DLGAP4: variants seen among roughly 807,000 people sequenced by gnomAD.
The protein encoded by DLGAP4 is DLG associated protein 4.
DLGAP4 carries 18 observed loss-of-function variants against 86.9 expected under a neutral mutation model. The observed-to-expected ratio is 0.21, with a 90% CI of 0.14 to 0.31. The LOEUF is 0.31. Among genes scored for constraint, DLGAP4 ranks in the 10% least tolerant of loss-of-function variants. The pLI, the probability that DLGAP4 is intolerant of heterozygous loss-of-function variation, is 1.00. For missense variants in DLGAP4, 1,085 were observed against 1,362.6 expected (o/e 0.80, Z 3.21); for synonymous variants, 548 against 574.3 (o/e 0.95, Z 0.65).
chr20:36,431,515 T>C lies in DLGAP4; in HGVS notation c.-72-131T>C. ...ACGTGGGCCTCGGTGTGTACTCCTG[T>C]CCTCAGGCCCACAACATTGAGGACT... On this transcript the variant is annotated intron_variant, in intron 2 of 12. Coordinates refer to ENST00000339266, the MANE Select transcript of DLGAP4 (RefSeq NM_001365621.2). The surrounding 1 kb of genome is among the most constrained non-coding windows in gnomAD (Gnocchi z 5.1). 3 of 600,058 alleles carry C rather than the reference T, an allele frequency of 5.0e-6. No individual in the cohort carries two copies. Among genetic ancestry groups the C allele is most frequent in the Non-Finnish European group, 8.6e-6 (3 of 348,142 alleles). The allele number at this position is 600,058 out of a possible 1,614,324, so 37.2% of individuals were successfully genotyped here. A position where few individuals can be genotyped will look rare whatever the true frequency, so the allele number is the denominator to read the frequency against.
At chr20:36,332,632 C>T (rs1227707076) in intron 1 of DLGAP4, among the ~76,000 whole-genome samples, 2 of 152,064 alleles carry the variant, frequency 1.3e-5, no homozygotes, top group Non-Finnish European at 2.9e-5. Context: ...TCAAGTGATC[C>T]GCCCGCCTGT....
chr20:36,365,660 A>G lies in DLGAP4; in HGVS notation c.-303-1385A>G, dbSNP rs576634720. Among the ~76,000 whole-genome samples, 10 of 152,306 alleles carry G rather than the reference A, an allele frequency of 6.6e-5. No homozygotes were observed. The South Asian group carries it at 1.4e-3, about 22-fold the overall frequency. The stretch of plus-strand genomic sequence containing the variant: ...ATGACATTGTAAGGCTGTGGCAGGA[A>G]GGAAATGAGGTAAAGCCTGTTACAG... On this transcript the variant is annotated intron_variant, in intron 1 of 12. Coordinates refer to ENST00000339266, the MANE Select transcript of DLGAP4 (RefSeq NM_001365621.2).
intron 1 of DLGAP4, among the ~76,000 whole-genome samples, chr20:36,360,602 G>A (rs1328425726): frequency 3.9e-5 from 6 of 152,062 alleles, no homozygotes; most frequent in East Asian, 3.9e-4. Flanking sequence ...TGTGGGTGGC[G>A]GCTTGGTGGG....
At chr20:36,462,577 G>C (rs376189034) in intron 7 of DLGAP4, 108 of 1,600,210 alleles carry the variant, frequency 6.7e-5, no homozygotes, top group Non-Finnish European at 8.8e-5. Flanking sequence ...TCATGGCTTT[G>C]TGTCTGGAGC....
chr20:36,495,223 C>G (rs1039347095), intron 7 of DLGAP4, among the ~76,000 whole-genome samples: 1 of 152,124 alleles, frequency 6.6e-6, no homozygotes, highest in Non-Finnish European at 1.5e-5. Context: ...TTTTTCTCCA[C>G]ATTCTCAATA....
chr20:36,526,041 G>A, intron 12 of DLGAP4, 35 bp downstream of exon 12: 2 of 1,613,402 alleles, frequency 1.2e-6, no homozygotes, highest in Non-Finnish European at 1.7e-6. Context: ...GAAGTCCAGG[G>A]ACAAATTCCT....
At chr20:36,439,684 G>A in intron 4 of DLGAP4, 70 bp from the exon 5 acceptor site, 7 of 1,355,308 alleles carry the variant, frequency 5.2e-6, no homozygotes, top group South Asian at 4.9e-5. Flanking sequence ...CATCACAGAT[G>A]GTCAAGGCCT....
At chr20:36,481,638 C>T (rs1410514385) in intron 7 of DLGAP4, among the ~76,000 whole-genome samples, 1 of 152,166 alleles carries the variant, frequency 6.6e-6, no homozygotes, top group East Asian at 1.9e-4. Flanking sequence ...AAGGACTACT[C>T]ATTCTGGGTC....
chr20:36,311,207 G>T (rs1360282510), intron 1 of DLGAP4, among the ~76,000 whole-genome samples: 3 of 151,422 alleles, frequency 2.0e-5, no homozygotes, highest in Non-Finnish European at 4.4e-5. Context: ...GAGTGGTTGG[G>T]TGGCTGCCCA....
chr20:36,425,577 A>G (rs976124094), intron 2 of DLGAP4, among the ~76,000 whole-genome samples: 1 of 152,112 alleles, frequency 6.6e-6, no homozygotes, highest in Non-Finnish European at 1.5e-5. Context: ...TAATCCCAGC[A>G]CTTTTGGAGG....
intron 1 of DLGAP4, among the ~76,000 whole-genome samples, chr20:36,321,861 G>A (rs1189277897): frequency 6.6e-6 from 1 of 152,216 alleles, no homozygotes; most frequent in African/African-American, 2.4e-5. Context: ...ACCTGCAGTG[G>A]TGACCACATT....
intron 2 of DLGAP4, among the ~76,000 whole-genome samples, chr20:36,410,748 C>T (rs906060591): frequency 1.3e-5 from 2 of 152,098 alleles, no homozygotes; most frequent in East Asian, 1.9e-4. Context: ...TCTTGAGGGA[C>T]GTGCCCCCAT....
chr20:36,406,643 A>G (rs949663880), intron 2 of DLGAP4, among the ~76,000 whole-genome samples: 1 of 152,104 alleles, frequency 6.6e-6, no homozygotes, highest in Non-Finnish European at 1.5e-5. Context: ...TCATAGCAGT[A>G]TGTTTGGATA....
At chr20:36,503,525 T>A (rs1053117606) in intron 10 of DLGAP4, among the ~76,000 whole-genome samples, 1 of 146,518 alleles carries the variant, frequency 6.8e-6, no homozygotes, top group Non-Finnish European at 1.5e-5. Flanking sequence ...TCTCGCTCTG[T>A]CTTCCAGGCT....
chr20:36,360,550 A>T (rs1320865851), intron 1 of DLGAP4, among the ~76,000 whole-genome samples: 1 of 152,126 alleles, frequency 6.6e-6, no homozygotes, highest in African/African-American at 2.4e-5. Flanking sequence ...TTCATGTCAT[A>T]AAGTCCTGCA....
chr20:36,312,817 C>T (rs1026270067), intron 1 of DLGAP4, among the ~76,000 whole-genome samples: 89 of 152,184 alleles, frequency 5.8e-4, no homozygotes, highest in African/African-American at 2.1e-3. Flanking sequence ...GATAAGCCTG[C>T]GGGGGCAGAC....
At chr20:36,471,296 T>G (rs1362268089) in intron 7 of DLGAP4, among the ~76,000 whole-genome samples, 1 of 151,986 alleles carries the variant, frequency 6.6e-6, no homozygotes, top group Non-Finnish European at 1.5e-5. Flanking sequence ...AGACCTCTAC[T>G]CGACCTGGCC....
intron 2 of DLGAP4, among the ~76,000 whole-genome samples, chr20:36,423,823 G>A (rs1020769738): frequency 1.3e-5 from 2 of 151,948 alleles, no homozygotes; most frequent in Admixed American, 6.6e-5. Flanking sequence ...AGCTGGGCAC[G>A]GTGGCGCTCA....
At chr20:36,403,441 G>T (rs535334901) in intron 2 of DLGAP4, among the ~76,000 whole-genome samples, 1 of 152,298 alleles carries the variant, frequency 6.6e-6, no homozygotes, top group South Asian at 2.1e-4. Flanking sequence ...GACCATAGCA[G>T]AATGCAATCC....
Sources: gnomAD v4.1 joint callset for allele counts (sites outside exome capture counted in the v4.1 genomes callset) on GRCh38, gnomAD v4.1.1 for gene constraint, Gnocchi (gnomAD v3.1) non-coding constraint, MANE v1.5 for transcripts, NCBI Gene and HGNC (gene_info 2026-07-23, HGNC 2026-07-21) for gene names.